Variants in ETFA observed in about 807,000 individuals in gnomAD.
The protein encoded by ETFA is electron transfer flavoprotein subunit alpha, mitochondrial.
ETFA carries 22 observed loss-of-function variants against 46.2 expected under a neutral mutation model. That is an observed-to-expected ratio of 0.48 (90% confidence interval 0.34 to 0.68). The LOEUF (loss-of-function observed/expected upper bound fraction) is 0.68, where lower values mean the gene tolerates loss of function less well. Among genes scored for constraint, ETFA ranks in the 30% least tolerant of loss-of-function variants. The probability of loss-of-function intolerance (pLI) is 0.01; values close to 1 mark genes in which losing one functional copy is unlikely to be tolerated. For synonymous variants in ETFA, 131 were observed against 139.9 expected, an observed-to-expected ratio of 0.94 and a Z score of 0.45; for missense variants, 345 against 401.1, an observed-to-expected ratio of 0.86 and a Z score of 1.19.
Position 76,283,810 on chromosome 15 carries a change from C to T in ETFA, c.680G>A (p.Ser227Asn). ...ATATAACAACTTAAAGTTCTCTCCACTCTTCAAGCCTCGACCTCATTTAAA... is the reference window on the plus strand; with the variant it reads ...ATATAACAACTTAAAGTTCTCTCCATTCTTCAAGCCTCGACCTCATTTAAA... The part of the protein sequence containing the change: ...VVVSGGRGLK[S>N]GENFKLLYDL... The change falls in exon 8 of 12, where the codon AGT becomes AAT. Residue 227 changes from serine to asparagine, a missense_variant. Ser to Asn is a conservative substitution (Grantham distance 46, BLOSUM62 1). Coordinates refer to ENST00000557943, the MANE Select transcript of ETFA (RefSeq NM_000126.4). 1 of 1,610,600 alleles carries T rather than the reference C, an allele frequency of 6.2e-7. No homozygotes were observed. The highest frequency in any genetic ancestry group is 8.5e-7 in the Non-Finnish European group (1 of 1,177,254).
rs556131383 is a variant in ETFA, at chr15:76,221,022, A to G, written c.964-4425T>C. Among the ~76,000 whole-genome samples the G allele has an allele frequency of 1.2e-4, 18 of 152,360 alleles. No individual in the cohort carries two copies. In the South Asian group the frequency reaches 3.5e-3, roughly 30 times the overall value. On this transcript the variant is annotated intron_variant, in intron 11 of 11. Transcript: ENST00000557943. Reference sequence around the variant, plus strand: ...AACATAGGTCTGCACAAAACCTCATATGTGAATGTTCATAGCAGCATCATT... The same window carrying G: ...AACATAGGTCTGCACAAAACCTCATGTGTGAATGTTCATAGCAGCATCATT...
intron 4 of ETFA, among the ~76,000 whole-genome samples, chr15:76,290,509 T>C (rs1292057272): frequency 6.6e-6 from 1 of 151,748 alleles, no homozygotes. Flanking sequence ...CACACTCAGC[T>C]AATTTTTTTT....
intron 7 of ETFA, chr15:76,284,379 C>T (rs1437738765): frequency 1.2e-5 from 2 of 170,290 alleles, no homozygotes; most frequent in East Asian, 3.5e-4. Context: ...AATCCCAACA[C>T]TTTGGGAGGC....
At chr15:76,219,474 T>C (rs1318359113) in intron 11 of ETFA, among the ~76,000 whole-genome samples, 9 of 152,136 alleles carry the variant, frequency 5.9e-5, no homozygotes, top group African/African-American at 1.9e-4. Flanking sequence ...AAAAGATAAA[T>C]TGGACTTCAT....
intron 10 of ETFA, chr15:76,230,864 GCTGATA>G: frequency 6.2e-6 from 1 of 162,144 alleles, no homozygotes; most frequent in Non-Finnish European, 1.3e-5. Flanking sequence ...GTGGGGCCCT[GCTGATA>G]TATGAGATTG....
intron 11 of ETFA, among the ~76,000 whole-genome samples, chr15:76,222,879 G>A (rs1453296179): frequency 6.6e-6 from 1 of 151,624 alleles, no homozygotes; most frequent in Non-Finnish European, 1.5e-5. Flanking sequence ...CTGCTGCCCA[G>A]GCTGAAGTGC....
At chr15:76,224,644 C>G (rs2038987070) in intron 11 of ETFA, among the ~76,000 whole-genome samples, 1 of 152,230 alleles carries the variant, frequency 6.6e-6, no homozygotes, top group Non-Finnish European at 1.5e-5. Flanking sequence ...CCACCTGTAG[C>G]TCTGTTCTCA....
intron 9 of ETFA, among the ~76,000 whole-genome samples, chr15:76,262,450 CT>C (rs2039424641): frequency 1.4e-5 from 2 of 147,784 alleles, no homozygotes; most frequent in African/African-American, 4.9e-5. Flanking sequence ...AGACACACCC[CT>C]AGGTATACCA....
intron 9 of ETFA, among the ~76,000 whole-genome samples, chr15:76,271,239 A>G (rs2039528080): frequency 1.3e-5 from 2 of 152,170 alleles, no homozygotes; most frequent in South Asian, 4.1e-4. Flanking sequence ...ACCTCCATAT[A>G]AAATATGTAT....
At chr15:76,291,555 C>A (rs1157596289) in intron 4 of ETFA, among the ~76,000 whole-genome samples, 4 of 151,122 alleles carry the variant, frequency 2.6e-5, no homozygotes, top group African/African-American at 9.7e-5. Flanking sequence ...TCAAGACCAT[C>A]CTGGCTAACA....
At chr15:76,305,778 A>G (rs1052775105) in intron 1 of ETFA, among the ~76,000 whole-genome samples, 7 of 151,928 alleles carry the variant, frequency 4.6e-5, no homozygotes, top group South Asian at 2.1e-4. Context: ...ACTGAATCCA[A>G]TCTTTCCAAA....
Position 76,286,397 on chromosome 15 carries a change from CTTG to C in ETFA, c.533_535del (p.Thr178del), listed in dbSNP as rs2039704996. On this transcript the variant is annotated inframe_deletion, in exon 6 of 12. Transcript: ENST00000557943. Reference sequence around the variant, plus strand: ...CTTTTCTGAACTGGCACTACCGCCACTTGTTGCTGCAGCATCAAAGGATGTTCC... The same window carrying C: ...CTTTTCTGAACTGGCACTACCGCCACTTGCTGCAGCATCAAAGGATGTTCC... The C allele has an allele frequency of 6.2e-7, 1 of 1,612,114 alleles. No homozygotes were observed. Among genetic ancestry groups the C allele is most frequent in the Non-Finnish European group, 8.5e-7 (1 of 1,178,188 alleles).
At chr15:76,236,612 A>AT (rs1479848955) in intron 9 of ETFA, among the ~76,000 whole-genome samples, 2 of 152,218 alleles carry the variant, frequency 1.3e-5, no homozygotes, top group Non-Finnish European at 2.9e-5. Context: ...ATTATGCTCA[A>AT]TGGGAACGTG....
chr15:76,256,122 G>C (rs2039343233), intron 9 of ETFA, among the ~76,000 whole-genome samples: 1 of 152,008 alleles, frequency 6.6e-6, no homozygotes, highest in Admixed American at 6.6e-5. Context: ...GCCAGGCATA[G>C]TGGTTCACAC....
At chr15:76,256,033 G>T (rs2039342525) in intron 9 of ETFA, among the ~76,000 whole-genome samples, 1 of 151,838 alleles carries the variant, frequency 6.6e-6, no homozygotes, top group South Asian at 2.1e-4. Flanking sequence ...CAAGGCAGGT[G>T]GATCACTTAA....
At chr15:76,286,894 T>C (rs901610761) in intron 5 of ETFA, among the ~76,000 whole-genome samples, 1 of 152,162 alleles carries the variant, frequency 6.6e-6, no homozygotes, top group East Asian at 1.9e-4. Context: ...GAAAACACAA[T>C]AGGTCATAAA....
At chr15:76,311,159 C>T (rs2039993807) in intron 1 of ETFA, among the ~76,000 whole-genome samples, 191 bp downstream of exon 1, 1 of 152,240 alleles carries the variant, frequency 6.6e-6, no homozygotes, top group Non-Finnish European at 1.5e-5. Flanking sequence ...CTGACTTCTG[C>T]CCCGAACTGG....
intron 9 of ETFA, among the ~76,000 whole-genome samples, chr15:76,235,193 CAG>C (rs1328637992): frequency 1.3e-5 from 2 of 152,270 alleles, no homozygotes; most frequent in Admixed American, 1.3e-4. Context: ...AGCATAGTAT[CAG>C]ATTTCCCAAG....
intron 1 of ETFA, among the ~76,000 whole-genome samples, chr15:76,298,494 T>C (rs982060523): frequency 1.3e-5 from 2 of 152,200 alleles, no homozygotes; most frequent in African/African-American, 2.4e-5. Context: ...CAAACTAACA[T>C]TGATGGAGCA....
Sources: allele counts gnomAD v4.1 joint callset (sites outside exome capture counted in the v4.1 genomes callset), GRCh38; gene constraint gnomAD v4.1.1; transcripts MANE v1.5; gene names NCBI Gene and HGNC (gene_info 2026-07-23, HGNC 2026-07-21).